Variants in BTG4 observed in about 807,000 individuals in gnomAD.
The protein encoded by BTG4 is BTG anti-proliferation factor 4, also known as protein BTG4.
Under a neutral mutation model 19.3 loss-of-function variants are expected in BTG4, and 10 were observed. That is an observed-to-expected ratio of 0.52 (90% CI 0.32 to 0.88). BTG4 has a LOEUF of 0.88. BTG4 is among the 40% of genes least tolerant of loss of function. The pLI is 0.04. For synonymous variants in BTG4, 91 were observed against 95.7 expected, an observed-to-expected ratio of 0.95 and a Z score of 0.29; for missense variants, 238 against 281.9, an observed-to-expected ratio of 0.84 and a Z score of 1.11.
intron 5 of BTG4, among the ~76,000 whole-genome samples, chr11:111,472,533 C>T (rs1289660555): frequency 6.6e-6 from 1 of 152,186 alleles, no homozygotes; most frequent in African/African-American, 2.4e-5. Context: ...AAGAGTTACT[C>T]ATCCCAAAAT....
At chr11:111,389,788 TA>T in the BTG4 span, among the ~76,000 whole-genome samples, 1 of 152,086 alleles carries the variant, frequency 6.6e-6, no homozygotes, top group Non-Finnish European at 1.5e-5. Flanking sequence ...GTTTTTCTTT[TA>T]AAAAAACTCT....
the BTG4 span, among the ~76,000 whole-genome samples, chr11:111,448,066 G>A: frequency 3.9e-5 from 6 of 152,198 alleles, no homozygotes; most frequent in Non-Finnish European, 7.3e-5. Context: ...CCAAGGGTGA[G>A]GATGCTCCCC....
chr11:111,432,865 T>C, the BTG4 span, among the ~76,000 whole-genome samples: 119 of 152,246 alleles, frequency 7.8e-4, no homozygotes, highest in Middle Eastern at 3.4e-3. Context: ...CTTTTTTTTT[T>C]CTTTTTTGTA....
the BTG4 span, among the ~76,000 whole-genome samples, chr11:111,391,004 A>G: frequency 5.7e-4 from 87 of 152,360 alleles, no homozygotes; most frequent in African/African-American, 2.0e-3. Flanking sequence ...CTTCTGGTGC[A>G]AGGAAGCACC....
At chr11:111,441,207 A>T in the BTG4 span, among the ~76,000 whole-genome samples, 1 of 151,906 alleles carries the variant, frequency 6.6e-6, no homozygotes, top group Admixed American at 6.6e-5. Flanking sequence ...ATAAACACCC[A>T]TGTACCCACA....
upstream of BTG4, chr11:111,513,947 A>G (rs984538112): frequency 1.3e-5 from 2 of 155,500 alleles, no homozygotes; most frequent in African/African-American, 4.8e-5. Context: ...TATGATGTCC[A>G]TCTCAGTTCC....
At chr11:111,495,386 G>A in intron 4 of BTG4, 72 bp from the exon 5 acceptor site, 1 of 1,331,056 alleles carries the variant, frequency 7.5e-7, no homozygotes, top group Non-Finnish European at 1.0e-6. Flanking sequence ...TAATTCAAAA[G>A]TCAGGCACTT....
the BTG4 span, among the ~76,000 whole-genome samples, chr11:111,419,062 A>G: frequency 6.6e-6 from 1 of 152,116 alleles, no homozygotes; most frequent in Non-Finnish European, 1.5e-5. Flanking sequence ...CTCTTCTCAT[A>G]AGGACACCAG....
At chr11:111,405,074 A>C in the BTG4 span, among the ~76,000 whole-genome samples, 2 of 152,172 alleles carry the variant, frequency 1.3e-5, no homozygotes, top group Non-Finnish European at 2.9e-5. Flanking sequence ...CCTCCATTGC[A>C]GTCAGATTCA....
At chr11:111,478,730 C>A (rs551446263) in intron 5 of BTG4, among the ~76,000 whole-genome samples, 2 of 151,862 alleles carry the variant, frequency 1.3e-5, no homozygotes, top group African/African-American at 2.4e-5. Flanking sequence ...TATAAAGCTT[C>A]GTGAATAGGC....
chr11:111,512,574 T>C (rs971650964), upstream of BTG4, among the ~76,000 whole-genome samples: 2 of 151,384 alleles, frequency 1.3e-5, no homozygotes, highest in Middle Eastern at 3.2e-3. Context: ...GTGAAGGAAG[T>C]GGGAGCCCGG....
the BTG4 span, among the ~76,000 whole-genome samples, chr11:111,441,115 CTT>C: frequency 1.2e-3 from 167 of 144,418 alleles, no homozygotes; most frequent in African/African-American, 2.6e-3. Context: ...GCTCTCTTTT[CTT>C]TTTTTTTTTT....
chr11:111,388,461 C>A, the BTG4 span, among the ~76,000 whole-genome samples: 1 of 151,806 alleles, frequency 6.6e-6, no homozygotes, highest in African/African-American at 2.4e-5. Flanking sequence ...TTCAAGTTTT[C>A]TTCATTGGAA....
At chr11:111,466,510 C>T (rs994007223), downstream of BTG4, among the ~76,000 whole-genome samples, 7 of 152,100 alleles carry the variant, frequency 4.6e-5, no homozygotes, top group Admixed American at 4.6e-4. Context: ...TGTCCTAGCC[C>T]CTCTGTTCCT....
At chr11:111,430,311 G>A in the BTG4 span, among the ~76,000 whole-genome samples, 3 of 152,318 alleles carry the variant, frequency 2.0e-5, no homozygotes, top group South Asian at 6.2e-4. Context: ...GAGCCTACCA[G>A]GTTAGAAGTA....
At chr11:111,411,644 T>C in the BTG4 span, among the ~76,000 whole-genome samples, 1 of 152,236 alleles carries the variant, frequency 6.6e-6, no homozygotes, top group Non-Finnish European at 1.5e-5. Flanking sequence ...AGATTCTGAC[T>C]GTATAGGGTT....
chr11:111,495,920 A>T (rs1273065076), intron 4 of BTG4, among the ~76,000 whole-genome samples: 2 of 152,248 alleles, frequency 1.3e-5, no homozygotes, highest in African/African-American at 4.8e-5. Context: ...GAGGAAAAAA[A>T]TGGCTTTGTC....
the BTG4 span, chr11:111,451,352 G>C: frequency 2.2e-6 from 1 of 448,986 alleles, no homozygotes; most frequent in African/African-American, 2.0e-5. Flanking sequence ...TTCTGCAGCA[G>C]TTCCAAAAGC....
chr11:111,477,149 C>G (rs2135555936), intron 5 of BTG4, among the ~76,000 whole-genome samples: 1 of 152,282 alleles, frequency 6.6e-6, no homozygotes, highest in East Asian at 1.9e-4. Context: ...GGCTCTGTGT[C>G]TTATTTCCAT....
Sources: allele counts gnomAD v4.1 joint callset (sites outside exome capture counted in the v4.1 genomes callset), GRCh38; gene constraint gnomAD v4.1.1; transcripts MANE v1.5; gene names NCBI Gene and HGNC (gene_info 2026-07-23, HGNC 2026-07-21).